Variants in SPAG16 observed in about 807,000 individuals in gnomAD.
The protein encoded by SPAG16 is sperm-associated antigen 16 protein.
Under a neutral mutation model 80.4 loss-of-function variants are expected in SPAG16, and 86 were observed. That is an observed-to-expected ratio of 1.07 (90% CI 0.90 to 1.28). The LOEUF (loss-of-function observed/expected upper bound fraction) is 1.28, where lower values mean the gene tolerates loss of function less well. Ranked by LOEUF, SPAG16 falls within the 50% of genes most tolerant of loss-of-function variation. The probability of loss-of-function intolerance (pLI) is 0.00; values close to 1 mark genes in which losing one functional copy is unlikely to be tolerated. For missense variants in SPAG16, 870 were observed against 765.3 expected, an observed-to-expected ratio of 1.14 and a Z score of -1.61; for synonymous variants, 294 against 265.9, an observed-to-expected ratio of 1.11 and a Z score of -1.03.
At chr2:213,311,468 C>T (rs893745924) in intron 4 of SPAG16, among the ~76,000 whole-genome samples, 3 of 151,508 alleles carry the variant, frequency 2.0e-5, no homozygotes, top group Admixed American at 6.6e-5. Context: ...GTTAACAATT[C>T]GGTGACTATT....
intron 5 of SPAG16, among the ~76,000 whole-genome samples, chr2:213,337,723 T>C (rs1444999800): frequency 2.6e-5 from 4 of 152,142 alleles, no homozygotes; most frequent in Non-Finnish European, 2.9e-5. Flanking sequence ...TGTGTGATTA[T>C]GTTAAAAAAC....
intron 10 of SPAG16, among the ~76,000 whole-genome samples, chr2:213,805,372 A>G (rs574185938): frequency 6.6e-6 from 1 of 152,320 alleles, no homozygotes; most frequent in East Asian, 1.9e-4. Context: ...GGAATAGAAT[A>G]CTAGGTATGT....
chr2:213,899,296 G>A (rs1170620200), intron 11 of SPAG16, among the ~76,000 whole-genome samples: 1 of 152,008 alleles, frequency 6.6e-6, no homozygotes, highest in South Asian at 2.1e-4. Context: ...GAGTGAAAGA[G>A]GAATTATTTG....
chr2:213,426,872 C>A (rs986784488), intron 9 of SPAG16, among the ~76,000 whole-genome samples: 1 of 149,982 alleles, frequency 6.7e-6, no homozygotes. Flanking sequence ...CACACACACA[C>A]ACACACACAC....
chr2:214,226,110 G>T (rs1036517168), intron 15 of SPAG16, among the ~76,000 whole-genome samples: 2 of 152,072 alleles, frequency 1.3e-5, no homozygotes, highest in African/African-American at 4.8e-5. Context: ...AAATTTATTA[G>T]CTTAAAACAT....
chr2:214,350,603 A>C (rs981984235), intron 15 of SPAG16, among the ~76,000 whole-genome samples: 1 of 152,144 alleles, frequency 6.6e-6, no homozygotes, highest in Non-Finnish European at 1.5e-5. Context: ...CTGAGTTGGG[A>C]GTGAGCTCCT....
intron 15 of SPAG16, among the ~76,000 whole-genome samples, chr2:214,298,113 T>TAC (rs34626747): frequency 5.1e-4 from 21 of 41,452 alleles, no homozygotes; most frequent in African/African-American, 1.2e-3. Context: ...TATATATATA[T>TAC]ACACACACAC....
intron 15 of SPAG16, among the ~76,000 whole-genome samples, chr2:214,355,293 A>G (rs1698701861): frequency 8.7e-6 from 1 of 115,332 alleles, no homozygotes; most frequent in African/African-American, 2.7e-5. Context: ...GCTAATATCA[A>G]GAATCTACGA....
Position 213,831,807 on chromosome 2 carries a change from CT to C in SPAG16, c.1071-30677del, listed in dbSNP as rs1405453233. On this transcript the variant is annotated intron_variant, in intron 10 of 15. Coordinates refer to ENST00000331683, the MANE Select transcript of SPAG16 (RefSeq NM_024532.5). ...CTTTACAATATTAATTAATTTAATC[CT>C]CTTAATCATATGTTGAATATGTGAT... Among the ~76,000 whole-genome samples, 3 of 151,774 alleles carry C rather than the reference CT, an allele frequency of 2.0e-5. No individual in the cohort carries two copies. The East Asian group carries it at 5.8e-4, about 29-fold the overall frequency.
intron 10 of SPAG16, among the ~76,000 whole-genome samples, chr2:213,635,966 A>G (rs1399713863): frequency 6.6e-6 from 1 of 152,062 alleles, no homozygotes; most frequent in Non-Finnish European, 1.5e-5. Flanking sequence ...AGTACCGTCT[A>G]TTTGTCTTTC....
chr2:213,415,089 A>G (rs1487309648), intron 9 of SPAG16, among the ~76,000 whole-genome samples: 1 of 152,256 alleles, frequency 6.6e-6, no homozygotes, highest in Non-Finnish European at 1.5e-5. Context: ...TTACGGGAGT[A>G]CAATTCAAGA....
At chr2:214,334,833 A>AT (rs769109056) in intron 15 of SPAG16, among the ~76,000 whole-genome samples, 1 of 152,232 alleles carries the variant, frequency 6.6e-6, no homozygotes, top group Non-Finnish European at 1.5e-5. Context: ...TGTACAACAC[A>AT]GCCTACCAGC....
chr2:214,148,298 C>A (rs2055763194), intron 14 of SPAG16, among the ~76,000 whole-genome samples: 1 of 152,078 alleles, frequency 6.6e-6, no homozygotes, highest in African/African-American at 2.4e-5. Flanking sequence ...TCCTGAGAGA[C>A]CAGCAGGAGG....
intron 7 of SPAG16, among the ~76,000 whole-genome samples, chr2:213,356,295 T>C (rs1312986651): frequency 6.6e-6 from 1 of 152,220 alleles, no homozygotes; most frequent in Non-Finnish European, 1.5e-5. Context: ...TCTTTCTCTA[T>C]TGATTGGAAT....
At chr2:213,822,740 C>T (rs1183335894) in intron 10 of SPAG16, among the ~76,000 whole-genome samples, 1 of 152,112 alleles carries the variant, frequency 6.6e-6, no homozygotes. Flanking sequence ...CCCCCAGCCC[C>T]CAACAGGCCC....
chr2:214,064,752 C>A (rs1336930261), intron 13 of SPAG16, among the ~76,000 whole-genome samples: 1 of 152,022 alleles, frequency 6.6e-6, no homozygotes, highest in African/African-American at 2.4e-5. Flanking sequence ...TGCTATTAAA[C>A]AGAATTCTGT....
At chr2:214,077,088 C>T (rs763056512) in intron 13 of SPAG16, among the ~76,000 whole-genome samples, 5 of 152,132 alleles carry the variant, frequency 3.3e-5, no homozygotes, top group African/African-American at 4.8e-5. Context: ...ATTTATTTTG[C>T]ATCTTATAAT....
intron 11 of SPAG16, among the ~76,000 whole-genome samples, chr2:213,867,500 T>C (rs1055589337): frequency 6.6e-6 from 1 of 152,242 alleles, no homozygotes; most frequent in Non-Finnish European, 1.5e-5. Flanking sequence ...TGATGCCTAC[T>C]TTATAGTTTG....
At chr2:214,168,808 A>C (rs1306430677) in intron 15 of SPAG16, among the ~76,000 whole-genome samples, 1 of 152,024 alleles carries the variant, frequency 6.6e-6, no homozygotes, top group African/African-American at 2.4e-5. Flanking sequence ...AGGGGAACAA[A>C]CCCCCCGGGT....
Sources: allele counts gnomAD v4.1 joint callset (sites outside exome capture counted in the v4.1 genomes callset), GRCh38; gene constraint gnomAD v4.1.1; transcripts MANE v1.5; gene names NCBI Gene and HGNC (gene_info 2026-07-23, HGNC 2026-07-21).